PTPRB: variants seen among roughly 807,000 people sequenced by gnomAD.
The protein encoded by PTPRB is receptor-type tyrosine-protein phosphatase beta.
PTPRB carries 97 observed loss-of-function variants against 238.1 expected under a neutral mutation model. The observed-to-expected ratio is 0.41, with a 90% confidence interval of 0.35 to 0.48. The LOEUF (loss-of-function observed/expected upper bound fraction) is 0.48. Among genes scored for constraint, PTPRB ranks in the 20% least tolerant of loss-of-function variants. PTPRB has a pLI of 0.30. For synonymous variants in PTPRB, 970 were observed against 995.4 expected (o/e 0.97, Z 0.48); for missense variants, 2,292 against 2,681.9 (o/e 0.85, Z 3.21).
At chr12:70,609,661 C>T in intron 3 of PTPRB, 1 of 1,301,820 alleles carries the variant, frequency 7.7e-7, no homozygotes, top group Non-Finnish European at 1.1e-6. Context: ...TGCCACCTCC[C>T]TCTTCAAAGC....
Position 70,560,733 on chromosome 12 carries a change from A to G in PTPRB, c.4370T>C (p.Val1457Ala). 3 of 1,613,924 alleles carry G rather than the reference A, an allele frequency of 1.9e-6. No homozygotes were observed. The highest frequency in any genetic ancestry group is 2.5e-6 in the Non-Finnish European group (3 of 1,179,868). Residue 1457 changes from valine to alanine, a missense_variant, in exon 17 of 34, where the codon GTG becomes GCG. Physicochemically the swap from Val to Ala is moderately conservative, Grantham distance 64 (BLOSUM62 0). Transcript: ENST00000334414. The surrounding 1 kb of genome is among the most constrained non-coding windows in gnomAD (Gnocchi z 4.2). Reference sequence around the variant, plus strand: ...TCCACTGTGAGTTACCACCCACAGCACGTACTTCCTTCCAGGAACAAGGCC... The same window carrying G: ...TCCACTGTGAGTTACCACCCACAGCGCGTACTTCCTTCCAGGAACAAGGCC... Reference protein sequence around the residue: ...FQGLVPGRKYVLWVVTHSGDL... With the variant: ...FQGLVPGRKYALWVVTHSGDL...
chr12:70,544,522 C>T, intron 22 of PTPRB, 35 bp downstream of exon 22: 2 of 1,399,408 alleles, frequency 1.4e-6, no homozygotes, highest in South Asian at 2.3e-5. Context: ...GGTGACATGG[C>T]AGTTGGTAGA....
intron 2 of PTPRB, among the ~76,000 whole-genome samples, chr12:70,626,369 T>TCCTGCCTGCCTGCCTGCCTGCCTGCCTG (rs757749640): frequency 8.0e-6 from 1 of 124,434 alleles, no homozygotes; most frequent in South Asian, 2.8e-4. Flanking sequence ...CTATCTATAT[T>TCCTGCCTGCCTGCCTGCCTGCCTGCCTG]CCTGCCTGCC....
chr12:70,610,458 C>A (rs979541084), intron 3 of PTPRB, among the ~76,000 whole-genome samples: 50 of 147,772 alleles, frequency 3.4e-4, no homozygotes, highest in African/African-American at 1.2e-3. Context: ...TCTTCCTCAT[C>A]TGCTTTCTCC....
intron 20 of PTPRB, among the ~76,000 whole-genome samples, chr12:70,554,797 A>T (rs1877400623): frequency 6.6e-6 from 1 of 152,222 alleles, no homozygotes; most frequent in Non-Finnish European, 1.5e-5. Context: ...AAGAGTAGTG[A>T]ACAAGACTGA....
At chr12:70,521,976 T>G (rs767736440) in intron 33 of PTPRB, among the ~76,000 whole-genome samples, 1 of 152,214 alleles carries the variant, frequency 6.6e-6, no homozygotes, top group Non-Finnish European at 1.5e-5. Flanking sequence ...TGAAGCCTCT[T>G]AAGGAATCTC....
At chr12:70,632,972 A>G (rs1023459937) in intron 2 of PTPRB, among the ~76,000 whole-genome samples, 1 of 152,192 alleles carries the variant, frequency 6.6e-6, no homozygotes, top group African/African-American at 2.4e-5. Flanking sequence ...TTAAATAAAT[A>G]TTACCTGGAA....
At chr12:70,573,512 T>C (rs1196991751) in intron 11 of PTPRB, among the ~76,000 whole-genome samples, 6 of 137,908 alleles carry the variant, frequency 4.4e-5, no homozygotes, top group South Asian at 2.3e-4. Context: ...TTTCTTTTTT[T>C]TTTTTTTTTT....
At chr12:70,619,310 G>GATGATA (rs746298593) in intron 3 of PTPRB, among the ~76,000 whole-genome samples, 29 of 143,386 alleles carry the variant, frequency 2.0e-4, no homozygotes, top group Middle Eastern at 3.5e-3. Flanking sequence ...TGATGATGAT[G>GATGATA]ATGATAATGA....
Position 70,534,518 on chromosome 12 carries a change from G to A in PTPRB, c.6338C>T (p.Pro2113Leu), listed in dbSNP as rs199673074. 18 of 1,613,152 alleles carry A rather than the reference G, an allele frequency of 1.1e-5. No homozygotes were observed. Among genetic ancestry groups the A allele is most frequent in the Admixed American group, 1.7e-5 (1 of 59,986 alleles). The change falls in exon 31 of 34, where the codon CCG becomes CTG. Residue 2113 changes from proline to leucine, a missense_variant. This residue lies in a region of PTPRB where 397 missense variants were observed against 502.0 expected (regional missense o/e 0.79). Coordinates refer to ENST00000334414, the MANE Select transcript of PTPRB (RefSeq NM_001109754.4). ...RTVRDYINRS[P>L]GAGPTVVHCS... ...GTGCACCACAGTGGGCCCAGCACCCGGGCTTCTGTTGATGTAGTCCCTGAC... is the reference window on the plus strand; with the variant it reads ...GTGCACCACAGTGGGCCCAGCACCCAGGCTTCTGTTGATGTAGTCCCTGAC...
At chr12:70,618,844 T>C (rs1185004797) in intron 3 of PTPRB, among the ~76,000 whole-genome samples, 1 of 152,168 alleles carries the variant, frequency 6.6e-6, no homozygotes, top group Non-Finnish European at 1.5e-5. Flanking sequence ...GCCTATGATA[T>C]GTGTTAATTC....
chr12:70,564,536 A>C (rs1232415382), intron 15 of PTPRB, among the ~76,000 whole-genome samples: 1 of 150,036 alleles, frequency 6.7e-6, no homozygotes, highest in Admixed American at 6.6e-5. Context: ...AAAAAAAAAA[A>C]TTGTAAGCCC....
chr12:70,528,774 CAT>C (rs549650117), intron 32 of PTPRB, among the ~76,000 whole-genome samples: 21 of 152,310 alleles, frequency 1.4e-4, no homozygotes, highest in African/African-American at 4.6e-4. Flanking sequence ...GTCTGGGCAA[CAT>C]AATGAGACTG....
intron 10 of PTPRB, among the ~76,000 whole-genome samples, chr12:70,577,987 T>A (rs1199362186): frequency 6.6e-6 from 1 of 152,216 alleles, no homozygotes; most frequent in Non-Finnish European, 1.5e-5. Context: ...AAGCAACTCA[T>A]TATGCTTGTT....
intron 17 of PTPRB, 32 bp from the exon 18 acceptor site, chr12:70,559,656 A>T (rs1185514886): frequency 6.5e-7 from 1 of 1,548,268 alleles, no homozygotes. Context: ...AAATCACATA[A>T]TCACAGCTAT....
At chr12:70,634,061 T>C (rs1885576560) in intron 2 of PTPRB, among the ~76,000 whole-genome samples, 1 of 152,208 alleles carries the variant, frequency 6.6e-6, no homozygotes, top group Admixed American at 6.6e-5. Context: ...TAGGTTTTTT[T>C]CTCATAGGCA....
At position 70,556,154 on chromosome 12, in the gene PTPRB, G is replaced by A; in HGVS notation, c.4715-6C>T. 1.2e-6 allele frequency: 2 copies of A among 1,609,096 alleles called. No homozygotes were observed. Among genetic ancestry groups the A allele is most frequent in the Non-Finnish European group, 1.7e-6 (2 of 1,177,292 alleles). ...GTTTTGTATCTTGTCAGGCTCTAAA[G>A]GAAACAGAGGAGGCAACACTTTTCA... On this transcript the variant is annotated splice_polypyrimidine_tract_variant and splice_region_variant and intron_variant, in intron 18 of 33. Transcript: ENST00000334414.
chr12:70,537,965 T>G, intron 28 of PTPRB, 190 bp downstream of exon 28: 2 of 511,104 alleles, frequency 3.9e-6, no homozygotes. Flanking sequence ...ACTATAGCCA[T>G]TGTGAAAAAT....
chr12:70,599,488 TC>T (rs1883300238), intron 4 of PTPRB, among the ~76,000 whole-genome samples: 1 of 152,032 alleles, frequency 6.6e-6, no homozygotes, highest in African/African-American at 2.4e-5. Flanking sequence ...ATAAATCAAA[TC>T]AAAAAATAAT....
Sources: allele counts gnomAD v4.1 joint callset (sites outside exome capture counted in the v4.1 genomes callset), GRCh38; gene constraint gnomAD v4.1.1; regional missense constraint gnomAD v4.1.1; non-coding constraint Gnocchi (gnomAD v3.1); transcripts MANE v1.5; gene names NCBI Gene and HGNC (gene_info 2026-07-23, HGNC 2026-07-21).